Variants in PDE8B observed in about 807,000 individuals in gnomAD.
PDE8B encodes the protein phosphodiesterase 8B, also known as high affinity cAMP-specific and IBMX-insensitive 3',5'-cyclic phosphodiesterase 8B.
PDE8B carries 26 observed loss-of-function variants against 101.3 expected under a neutral mutation model. The ratio of observed to expected loss-of-function variants is 0.26; its 90% CI spans 0.19 to 0.36. The LOEUF (loss-of-function observed/expected upper bound fraction) is 0.36, where lower values mean the gene tolerates loss of function less well. Ranked by LOEUF, PDE8B falls within the 10% of genes least tolerant of loss-of-function variation. PDE8B has a pLI of 1.00. For synonymous variants in PDE8B, 424 were observed against 429.3 expected, an observed-to-expected ratio of 0.99 and a Z score of 0.15; for missense variants, 810 against 1,163.1, an observed-to-expected ratio of 0.70 and a Z score of 4.42.
intron 5 of PDE8B, 95 bp downstream of exon 5, chr5:77,331,554 T>G: frequency 1.1e-6 from 1 of 951,584 alleles, no homozygotes; most frequent in Non-Finnish European, 1.7e-6. Context: ...GGAGAACTGT[T>G]AAGGAAATTA....
the PDE8B span, among the ~76,000 whole-genome samples, chr5:77,138,817 T>C: frequency 1.6e-4 from 24 of 152,324 alleles, no homozygotes; most frequent in Non-Finnish European, 2.9e-4. Context: ...GTTGATTCTT[T>C]TAAACATTAG....
chr5:77,291,498 A>G (rs1767334436), intron 1 of PDE8B: 2 of 1,609,284 alleles, frequency 1.2e-6, no homozygotes, highest in South Asian at 2.2e-5. Context: ...CTTTAAATTC[A>G]AGAATGAAGA....
chr5:77,122,471 C>T, the PDE8B span, among the ~76,000 whole-genome samples: 1 of 152,212 alleles, frequency 6.6e-6, no homozygotes, highest in African/African-American at 2.4e-5. Context: ...TGCGTACATT[C>T]ACCCACCTGA....
rs113198520 is a variant in PDE8B, at chr5:77,240,086, CT to C, written c.339+28833del. Among the ~76,000 whole-genome samples, 210 of 145,286 alleles carry C rather than the reference CT, an allele frequency of 1.4e-3. 1 individual carries two copies. The highest frequency in any genetic ancestry group is 3.5e-3 in the Middle Eastern group (1 of 282). On this transcript the variant is annotated intron_variant, in intron 1 of 21. Transcript: ENST00000264917. Reference sequence around the variant, plus strand: ...GCACAAGACAAAAGTTAAAATGAAGCTTTTTTTTTTTGTATTTCGTTTTAGT... The same window carrying C: ...GCACAAGACAAAAGTTAAAATGAAGCTTTTTTTTTTGTATTTCGTTTTAGT...
the PDE8B span, chr5:77,100,221 T>G: frequency 1.3e-5 from 2 of 152,182 alleles, no homozygotes; most frequent in Non-Finnish European, 2.9e-5. Flanking sequence ...CCATCTCACG[T>G]TTTTCCTCTC....
intron 1 of PDE8B, among the ~76,000 whole-genome samples, chr5:77,245,839 T>TCCCC (rs533447203): frequency 5.8e-3 from 35 of 6,080 alleles, no homozygotes; most frequent in African/African-American, 8.2e-3. Context: ...TATAACCTCC[T>TCCCC]CCCCCCCCCG....
At chr5:77,415,351 A>ATTTTT (rs71606293) in intron 17 of PDE8B, among the ~76,000 whole-genome samples, 34 of 88,716 alleles carry the variant, frequency 3.8e-4, no homozygotes, top group South Asian at 8.8e-4. Context: ...ATAAGCTAAA[A>ATTTTT]TTTTTTTTTT....
At chr5:77,181,230 A>G in the PDE8B span, among the ~76,000 whole-genome samples, 3 of 152,118 alleles carry the variant, frequency 2.0e-5, no homozygotes, top group Non-Finnish European at 4.4e-5. Flanking sequence ...AAGCAAAGGA[A>G]GAGCTGGAAC....
chr5:77,173,786 T>G, the PDE8B span, among the ~76,000 whole-genome samples: 1 of 152,100 alleles, frequency 6.6e-6, no homozygotes, highest in South Asian at 2.1e-4. Flanking sequence ...CTCTAGAAAG[T>G]GTAGCGGAGT....
chr5:77,341,029 T>A (rs960657508), intron 6 of PDE8B, among the ~76,000 whole-genome samples: 1 of 152,126 alleles, frequency 6.6e-6, no homozygotes, highest in African/African-American at 2.4e-5. Context: ...GAATAAAACA[T>A]AAAGATACCT....
At chr5:77,161,967 CTT>C in the PDE8B span, among the ~76,000 whole-genome samples, 1 of 142,690 alleles carries the variant, frequency 7.0e-6, no homozygotes. Flanking sequence ...AATTTTTTTT[CTT>C]TTTTTTTTAG....
the PDE8B span, among the ~76,000 whole-genome samples, chr5:77,095,296 G>A: frequency 6.6e-6 from 1 of 152,162 alleles, no homozygotes; most frequent in Admixed American, 6.5e-5. Flanking sequence ...TTGTTGCCAG[G>A]AACTTTGGTC....
intron 1 of PDE8B, among the ~76,000 whole-genome samples, chr5:77,223,235 T>A (rs1264478312): frequency 5.3e-5 from 8 of 152,138 alleles, no homozygotes; most frequent in Admixed American, 4.6e-4. Context: ...TTTCTTTTTT[T>A]ATTTTATTAT....
At chr5:77,291,415 C>T (rs1262936566) in intron 1 of PDE8B, 35 of 1,611,448 alleles carry the variant, frequency 2.2e-5, no homozygotes, top group Admixed American at 3.3e-5. Context: ...TATGTAGAAC[C>T]GACAATTGTG....
At chr5:77,416,914 A>G (rs1396322533) in intron 17 of PDE8B, among the ~76,000 whole-genome samples, 2 of 152,098 alleles carry the variant, frequency 1.3e-5, no homozygotes, top group African/African-American at 4.8e-5. Context: ...AGCCACAGTG[A>G]TGTCGCTTAC....
At chr5:77,311,293 T>A in intron 1 of PDE8B, among the ~76,000 whole-genome samples, 1 of 152,250 alleles carries the variant, frequency 6.6e-6, no homozygotes, top group Non-Finnish European at 1.5e-5. Flanking sequence ...TCTAACTGCT[T>A]GCCAAAGGCA....
intron 10 of PDE8B, among the ~76,000 whole-genome samples, chr5:77,362,108 A>G (rs1002329568): frequency 2.0e-5 from 3 of 152,222 alleles, no homozygotes; most frequent in Non-Finnish European, 2.9e-5. Context: ...AAACTGCTTA[A>G]CTCAACTCTG....
At chr5:77,112,814 CAA>C in the PDE8B span, 4 of 152,178 alleles carry the variant, frequency 2.6e-5, no homozygotes, top group East Asian at 7.7e-4. Context: ...GCAACTTCAG[CAA>C]AGTCTCAGGA....
chr5:77,260,325 A>G (rs1255157317), intron 1 of PDE8B, among the ~76,000 whole-genome samples: 4 of 152,212 alleles, frequency 2.6e-5, no homozygotes, highest in African/African-American at 9.6e-5. Flanking sequence ...CATATTTTTC[A>G]GAAATCAGTT....
Sources: allele counts gnomAD v4.1 joint callset (sites outside exome capture counted in the v4.1 genomes callset), GRCh38; gene constraint gnomAD v4.1.1; transcripts MANE v1.5; gene names NCBI Gene and HGNC (gene_info 2026-07-23, HGNC 2026-07-21).